The following FNDC3B variants were observed in gnomAD, a reference collection of about 807,000 sequenced individuals.
FNDC3B encodes fibronectin type III domain containing 3B, also known as fibronectin type III domain-containing protein 3B.
FNDC3B carries 12 observed loss-of-function variants against 151.5 expected under a neutral mutation model. The ratio of observed to expected loss-of-function variants is 0.08; its 90% CI spans 0.05 to 0.13. FNDC3B has a LOEUF of 0.13. FNDC3B is among the 10% of genes least tolerant of loss of function. The pLI is 1.00. For synonymous variants in FNDC3B, 528 were observed against 549.0 expected (o/e 0.96, Z 0.54); for missense variants, 1,214 against 1,505.3 (o/e 0.81, Z 3.20).
chr3:172,353,964 A>T (rs1232651081), intron 22 of FNDC3B, among the ~76,000 whole-genome samples: 10 of 126,720 alleles, frequency 7.9e-5, no homozygotes, highest in African/African-American at 2.8e-4. Flanking sequence ...ATCTTGGGGA[A>T]AAAAAAAAAA....
At chr3:172,168,184 A>G (rs1723103648) in intron 3 of FNDC3B, among the ~76,000 whole-genome samples, 1 of 152,202 alleles carries the variant, frequency 6.6e-6, no homozygotes, top group African/African-American at 2.4e-5. Flanking sequence ...AGTCAGTGAA[A>G]GCAACTAGAA....
intron 1 of FNDC3B, among the ~76,000 whole-genome samples, chr3:172,082,951 A>G (rs1052809081): frequency 6.6e-6 from 1 of 152,208 alleles, no homozygotes; most frequent in African/African-American, 2.4e-5. Context: ...ATGAAGTACG[A>G]TATTTCATGT....
intron 1 of FNDC3B, among the ~76,000 whole-genome samples, chr3:172,077,685 A>T (rs1576841478): frequency 6.6e-6 from 1 of 152,176 alleles, no homozygotes; most frequent in East Asian, 1.9e-4. Flanking sequence ...CTGTGGTCTC[A>T]TGTAGAAAGG....
chr3:172,222,181 A>T (rs944023621), intron 3 of FNDC3B, among the ~76,000 whole-genome samples: 1 of 152,246 alleles, frequency 6.6e-6, no homozygotes. Context: ...GTTTAGACAC[A>T]CAAGTACCAG....
intron 3 of FNDC3B, among the ~76,000 whole-genome samples, chr3:172,143,180 A>G (rs1721716546): frequency 6.6e-6 from 1 of 152,202 alleles, no homozygotes; most frequent in African/African-American, 2.4e-5. Flanking sequence ...GGTAATTTAG[A>G]GAAGTTATTT....
chr3:172,246,234 G>T lies in FNDC3B; in HGVS notation c.265-1299G>T, dbSNP rs142329514. Among the ~76,000 whole-genome samples the T allele has an allele frequency of 3.1e-3, 470 of 151,326 alleles. 2 individuals are homozygous for T. Among genetic ancestry groups the T allele is most frequent in the African/African-American group, 0.011 (444 of 41,190 alleles). ...AAACTTCCTGTCAGAGTGTGTGCCC[G>T]ATCGTGCATTTGATTAGATCAGCTG... is the stretch of plus-strand genomic sequence containing the variant. On this transcript the variant is annotated intron_variant, in intron 4 of 25. Transcript: ENST00000415807.
rs1238059887 is a variant in FNDC3B at position 172,200,002 on chromosome 3, T to TATTCATTCATTCATTC, written c.188-26852_188-26837dup. On this transcript the variant is annotated intron_variant, in intron 3 of 25. Transcript: ENST00000415807. ...CACATTTCTGTTTTACAATACTTTG[T>TATTCATTCATTCATTC]ATTCATTCATTCATTCATTCATTCA... Among the ~76,000 whole-genome samples, 629 of 150,870 alleles carry TATTCATTCATTCATTC rather than the reference T, an allele frequency of 4.2e-3. 5 individuals carry two copies. The highest frequency in any genetic ancestry group is 5.6e-3 in the Non-Finnish European group (381 of 67,832).
At chr3:172,297,156 A>G (rs1387178701) in intron 8 of FNDC3B, among the ~76,000 whole-genome samples, 1 of 152,180 alleles carries the variant, frequency 6.6e-6, no homozygotes, top group Non-Finnish European at 1.5e-5. Flanking sequence ...TTTTTTCAAA[A>G]GATGCTGAAA....
chr3:172,337,471 T>G, intron 16 of FNDC3B, 70 bp downstream of exon 16: 1 of 983,704 alleles, frequency 1.0e-6, no homozygotes, highest in African/African-American at 1.6e-5. Context: ...GTAAATGTCT[T>G]TATAGTAATA....
intron 6 of FNDC3B, among the ~76,000 whole-genome samples, chr3:172,252,081 C>T (rs546880906): frequency 6.6e-6 from 1 of 152,148 alleles, no homozygotes; most frequent in Non-Finnish European, 1.5e-5. Context: ...AGAATGAGGG[C>T]CACCACATAT....
chr3:172,148,871 G>A (rs73167224), intron 3 of FNDC3B, among the ~76,000 whole-genome samples: 1,896 of 152,280 alleles, frequency 0.012, 20 homozygotes, highest in Non-Finnish European at 0.019. Context: ...CCTCAGAAGC[G>A]AATAGAATGC....
intron 23 of FNDC3B, among the ~76,000 whole-genome samples, chr3:172,365,615 G>A (rs945459093): frequency 6.6e-6 from 1 of 152,080 alleles, no homozygotes; most frequent in Non-Finnish European, 1.5e-5. Flanking sequence ...CCCAGAATAG[G>A]ACATTTGTTT....
At chr3:172,260,592 A>T (rs1473570524) in intron 6 of FNDC3B, among the ~76,000 whole-genome samples, 3 of 152,224 alleles carry the variant, frequency 2.0e-5, no homozygotes, top group Non-Finnish European at 4.4e-5. Context: ...GGGCCATTTT[A>T]TTATAACCTC....
intron 23 of FNDC3B, among the ~76,000 whole-genome samples, chr3:172,363,496 A>G (rs6795001): frequency 0.087 from 13,250 of 152,186 alleles, 629 homozygotes; most frequent in Middle Eastern, 0.16. Flanking sequence ...TCCAATGTCA[A>G]GCAAAAGTTA....
At position 172,268,508 on chromosome 3, in the gene FNDC3B, T is replaced by C. The variant is rs1268481195; in HGVS notation, c.790+16967T>C. Among the ~76,000 whole-genome samples the C allele has an allele frequency of 8.5e-5, 13 of 152,146 alleles. 1 individual carries two copies. The highest frequency in any genetic ancestry group is 7.9e-4 in the Admixed American group (12 of 15,266). On this transcript the variant is annotated intron_variant, in intron 6 of 25. Transcript: ENST00000415807. ...TCATGTGGTATCAGCCAAGATAATA[T>C]GTGACAGAGAACGGCAGATACAAAT...
chr3:172,223,456 A>T (rs1376797839), intron 3 of FNDC3B, among the ~76,000 whole-genome samples: 1 of 152,220 alleles, frequency 6.6e-6, no homozygotes, highest in Non-Finnish European at 1.5e-5. Flanking sequence ...TACTCTTGAA[A>T]TCAAGACTGT....
chr3:172,232,658 A>C (rs552053996), intron 4 of FNDC3B, among the ~76,000 whole-genome samples: 2 of 152,252 alleles, frequency 1.3e-5, no homozygotes, highest in African/African-American at 4.8e-5. Context: ...TTAAACTATG[A>C]GAAAGTGGAT....
chr3:172,080,600 T>C lies in FNDC3B; in HGVS notation c.-28-31852T>C, dbSNP rs557694160. Among the ~76,000 whole-genome samples the C allele has an allele frequency of 8.5e-5, 13 of 152,256 alleles. No individual in the cohort carries two copies. In the South Asian group the frequency reaches 2.5e-3, roughly 29 times the overall value. On this transcript the variant is annotated intron_variant, in intron 1 of 25. Transcript: ENST00000415807. ...GCCTGAATCGTTGAATTTTTGACTC[T>C]AGTCTTGAAGGGATGGAACCTGCCC...
rs1434446851 is a variant in FNDC3B, at chr3:172,251,495, G to C, written c.744G>C (p.Glu248Asp). Residue 248 changes from glutamate (E) to aspartate (D), a missense_variant, in exon 6 of 26, where the codon GAG (glutamate) becomes GAC (aspartate). Coordinates refer to ENST00000415807, the MANE Select transcript of FNDC3B (RefSeq NM_022763.4). ...GTGGTCCCGGAATTAAGAAAACAGA[G>C]CGACGAGCAAGAAGCAGCCCAAAGT... ...SGSGPGIKKT[E>D]RRARSSPKSN... is the part of the protein sequence containing the mutation. The C allele has an allele frequency of 1.9e-6, 3 of 1,613,892 alleles. No homozygotes were observed. Among genetic ancestry groups the C allele is most frequent in the Non-Finnish European group, 2.5e-6 (3 of 1,179,984 alleles).
Sources: gnomAD v4.1 joint callset for allele counts (sites outside exome capture counted in the v4.1 genomes callset) on GRCh38, gnomAD v4.1.1 for gene constraint, MANE v1.5 for transcripts, NCBI Gene and HGNC (gene_info 2026-07-23, HGNC 2026-07-21) for gene names.